Variants in CAPRIN2 observed in about 807,000 individuals in gnomAD.
CAPRIN2 encodes the protein caprin-2.
CAPRIN2 carries 66 observed loss-of-function variants against 130.4 expected under a neutral mutation model. The observed-to-expected ratio is 0.51, with a 90% CI of 0.42 to 0.62. The LOEUF (loss-of-function observed/expected upper bound fraction) is 0.62, where lower values mean the gene tolerates loss of function less well. Among genes scored for constraint, CAPRIN2 ranks in the 20% least tolerant of loss-of-function variants. The pLI is 0.00. For missense variants in CAPRIN2, 1,185 were observed against 1,246.6 expected, an observed-to-expected ratio of 0.95 and a Z score of 0.74; for synonymous variants, 471 against 444.1, an observed-to-expected ratio of 1.06 and a Z score of -0.76.
At chr12:30,715,426 A>G in intron 13 of CAPRIN2, 1 of 509,430 alleles carries the variant, frequency 2.0e-6, no homozygotes. Context: ...CAAAAGCACA[A>G]ATATTGTATA....
intron 8 of CAPRIN2, among the ~76,000 whole-genome samples, chr12:30,726,957 G>A (rs1819055433): frequency 6.6e-6 from 1 of 152,054 alleles, no homozygotes; most frequent in African/African-American, 2.4e-5. Flanking sequence ...ACACATAGAA[G>A]TATCCTCTCC....
intron 15 of CAPRIN2, 128 bp from the exon 18 acceptor site, chr12:30,711,757 CAA>C (rs776010503): frequency 4.0e-6 from 3 of 754,328 alleles, no homozygotes; most frequent in Non-Finnish European, 7.1e-6. Context: ...CCCCAGCAAC[CAA>C]AGAGGCTCAG....
intron 9 of CAPRIN2, among the ~76,000 whole-genome samples, chr12:30,725,523 AATTTATC>A (rs1327546713): frequency 6.6e-6 from 1 of 152,190 alleles, no homozygotes; most frequent in Non-Finnish European, 1.5e-5. Flanking sequence ...TGTATAACAC[AATTTATC>A]ATTTAACTAT....
chr12:30,753,687 C>G lies in CAPRIN2; in HGVS notation c.77G>C (p.Arg26Thr). The G allele has an allele frequency of 7.4e-6, 12 of 1,614,154 alleles. No individual in the cohort carries two copies. The highest frequency in any genetic ancestry group is 1.3e-5 in the African/African-American group (1 of 75,060). ...CCAGGCAATAACTTCCCTGGAAAGT[C>G]TAGACCACTCCCTTAAACTCTTTTC... Residue 26 changes from arginine (R) to threonine (T), a missense_variant, in exon 1 of 17, where the codon AGA (arginine) becomes ACA (threonine). Coordinates refer to ENST00000298892, the Ensembl canonical transcript of CAPRIN2.
At chr12:30,747,404 G>A (rs951648608) in intron 2 of CAPRIN2, among the ~76,000 whole-genome samples, 2 of 152,152 alleles carry the variant, frequency 1.3e-5, no homozygotes, top group Admixed American at 6.5e-5. Flanking sequence ...TTGGCCGGGC[G>A]TGATGGCTCA....
chr12:30,711,488 G>T (rs754420382), intron 16 of CAPRIN2, 78 bp downstream of exon 18: 442 of 1,162,122 alleles, frequency 3.8e-4, no homozygotes, highest in Non-Finnish European at 4.5e-4. Flanking sequence ...ATGTGCTTTG[G>T]AAAGAACTTG....
In CAPRIN2 at chr12:30,740,384, C is replaced by T. The variant is rs1407410869; in HGVS notation, c.570+636G>A. Among the ~76,000 whole-genome samples, 3 of 152,088 alleles carry T rather than the reference C, an allele frequency of 2.0e-5. No individual in the cohort carries two copies. The South Asian group carries it at 6.2e-4, about 31-fold the overall frequency. On this transcript the variant is annotated intron_variant, in intron 3 of 16. Coordinates refer to ENST00000298892, the Ensembl canonical transcript of CAPRIN2. Reference sequence around the variant, plus strand: ...GAATGAATTTATTTAAAAATTTCCACAATTGTTGGAACTTGACCTTTAAAG... The same window carrying T: ...GAATGAATTTATTTAAAAATTTCCATAATTGTTGGAACTTGACCTTTAAAG...
Position 30,727,298 on chromosome 12 carries a change from T to C in CAPRIN2, c.1783-1210A>G, listed in dbSNP as rs185739573. ...GGTCAGGAAGAAGCTAAAATTAATA[T>C]TAGCAACTTGAGAGAGAAAGGAGAG... On this transcript the variant is annotated intron_variant, in intron 8 of 16. Transcript: ENST00000298892. 6.3e-4 allele frequency among the ~76,000 whole-genome samples: 96 copies of C among 152,310 alleles called. 2 individuals carry two copies. The highest frequency in any genetic ancestry group is 2.1e-3 in the African/African-American group (89 of 41,582).
At chr12:30,727,883 T>C (rs1480401605) in intron 8 of CAPRIN2, among the ~76,000 whole-genome samples, 3 of 152,206 alleles carry the variant, frequency 2.0e-5, no homozygotes, top group African/African-American at 7.2e-5. Flanking sequence ...CATAAAGACC[T>C]GGGCTAAACT....
chr12:30,729,005 A>G, exon 8 of CAPRIN2: 1 of 1,614,084 alleles, frequency 6.2e-7, no homozygotes, highest in South Asian at 1.1e-5. Context: ...ATTTAGGTGT[A>G]TCTTGCTTCC....
At chr12:30,723,847 G>A (rs10492242) in intron 10 of CAPRIN2, among the ~76,000 whole-genome samples, 3,487 of 152,222 alleles carry the variant, frequency 0.023, 53 homozygotes, top group Non-Finnish European at 0.033. Flanking sequence ...CAATCTTCAA[G>A]CTGGTATATA....
At chr12:30,709,752 C>T in exon 17 of CAPRIN2, 2 of 794,452 alleles carry the variant, frequency 2.5e-6, no homozygotes, top group Non-Finnish European at 3.8e-6. Flanking sequence ...GATTTTTCAC[C>T]TCAGGAAGGA....
intron 6 of CAPRIN2, 85 bp from the exon 8 acceptor site, chr12:30,730,367 A>AT (rs1419991693): frequency 1.3e-5 from 12 of 944,844 alleles, no homozygotes; most frequent in Non-Finnish European, 5.1e-6. Context: ...TTCTAGCAAC[A>AT]TATTTCAGAA....
chr12:30,714,055 T>G (rs1482382125), intron 14 of CAPRIN2, among the ~76,000 whole-genome samples, 170 bp from the exon 17 acceptor site: 1 of 152,242 alleles, frequency 6.6e-6, no homozygotes, highest in East Asian at 1.9e-4. Flanking sequence ...AAAACATATT[T>G]ATAGAACATT....
At chr12:30,737,493 T>C (rs1354912178) in intron 3 of CAPRIN2, among the ~76,000 whole-genome samples, 3 of 152,032 alleles carry the variant, frequency 2.0e-5, no homozygotes, top group Non-Finnish European at 4.4e-5. Flanking sequence ...CTTCTTTAGA[T>C]GAAAATTAGA....
At chr12:30,728,846 T>C (rs770335196) in exon 8 of CAPRIN2, 6 of 1,614,018 alleles carry the variant, frequency 3.7e-6, no homozygotes, top group Non-Finnish European at 5.1e-6. Context: ...GAGTGGTCCA[T>C]GACTTGGTGG....
At chr12:30,722,156 A>G (rs1431614483) in intron 11 of CAPRIN2, among the ~76,000 whole-genome samples, 1 of 152,210 alleles carries the variant, frequency 6.6e-6, no homozygotes, top group Non-Finnish European at 1.5e-5. Context: ...TAACAAAGAC[A>G]TTTACATTAG....
At chr12:30,752,385 T>C (rs904278332) in intron 1 of CAPRIN2, among the ~76,000 whole-genome samples, 1 of 152,058 alleles carries the variant, frequency 6.6e-6, no homozygotes, top group Non-Finnish European at 1.5e-5. Flanking sequence ...ATATATGTAG[T>C]TCCTCCACCT....
intron 2 of CAPRIN2, among the ~76,000 whole-genome samples, chr12:30,743,666 T>C (rs2139289166): frequency 6.6e-6 from 1 of 152,330 alleles, no homozygotes; most frequent in East Asian, 1.9e-4. Context: ...TAATAGAACC[T>C]ACCTCACAAA....
Sources: allele counts gnomAD v4.1 joint callset (sites outside exome capture counted in the v4.1 genomes callset), GRCh38; gene constraint gnomAD v4.1.1; transcripts MANE v1.5; gene names NCBI Gene and HGNC (gene_info 2026-07-23, HGNC 2026-07-21).